The following CFAP54 variants were observed in gnomAD, a reference collection of about 807,000 sequenced individuals.
CFAP54 encodes the protein cilia and flagella associated protein 54.
A neutral mutation model predicts 370.4 loss-of-function variants in CFAP54; 290 were observed. The ratio of observed to expected loss-of-function variants is 0.78; its 90% CI spans 0.71 to 0.86. The LOEUF is 0.86. Among genes scored for constraint, CFAP54 ranks in the 40% least tolerant of loss-of-function variants. The pLI, the probability that CFAP54 is intolerant of heterozygous loss-of-function variation, is 0.00. For synonymous variants in CFAP54, 1,206 were observed against 1,236.5 expected (o/e 0.98, Z 0.52); for missense variants, 3,399 against 3,528.7 (o/e 0.96, Z 0.93).
chr12:96,552,444 A>C (rs1191764886), intron 15 of CFAP54, among the ~76,000 whole-genome samples: 1 of 151,920 alleles, frequency 6.6e-6, no homozygotes, highest in Non-Finnish European at 1.5e-5. Context: ...CCCGGGTTCA[A>C]GTGATTCTCA....
chr12:96,510,817 G>T (rs932851402), intron 4 of CFAP54, among the ~76,000 whole-genome samples: 1 of 152,046 alleles, frequency 6.6e-6, no homozygotes, highest in Non-Finnish European at 1.5e-5. Flanking sequence ...ACAAAAATTA[G>T]CTGAGCGTGG....
chr12:96,586,225 G>T (rs978320408), intron 22 of CFAP54, among the ~76,000 whole-genome samples: 7 of 152,154 alleles, frequency 4.6e-5, no homozygotes, highest in Non-Finnish European at 1.0e-4. Flanking sequence ...CTGAGTTTGG[G>T]TCTGGGAATT....
chr12:96,700,190 C>G (rs1425179656), intron 46 of CFAP54, 97 bp downstream of exon 46: 5 of 1,341,456 alleles, frequency 3.7e-6, no homozygotes, highest in South Asian at 1.3e-5. Flanking sequence ...TTTACAATCT[C>G]TGGTATTTTA....
At chr12:96,518,746 T>C (rs1239152804) in intron 5 of CFAP54, among the ~76,000 whole-genome samples, 182 bp from the exon 6 acceptor site, 2 of 150,588 alleles carry the variant, frequency 1.3e-5, no homozygotes, top group East Asian at 3.8e-4. Context: ...CTTGAGATTT[T>C]GAGCTTTTAA....
At chr12:96,593,506 A>G (rs1779070332) in intron 24 of CFAP54, among the ~76,000 whole-genome samples, 1 of 152,150 alleles carries the variant, frequency 6.6e-6, no homozygotes. Context: ...ACTCACAACC[A>G]TCTCAACCTG....
chr12:96,564,994 A>G (rs530856171), intron 19 of CFAP54: 2 of 269,572 alleles, frequency 7.4e-6, no homozygotes, highest in East Asian at 1.3e-4. Context: ...CTACATGAGA[A>G]GACAAATAAA....
At chr12:96,647,398 A>G (rs1383578090) in intron 33 of CFAP54, among the ~76,000 whole-genome samples, 1 of 139,568 alleles carries the variant, frequency 7.2e-6, no homozygotes, top group Non-Finnish European at 1.5e-5. Flanking sequence ...GCGTGAACCC[A>G]GGAGGCAGAG....
At chr12:96,546,838 A>AT (rs1233000188) in intron 14 of CFAP54, among the ~76,000 whole-genome samples, 1 of 150,244 alleles carries the variant, frequency 6.7e-6, no homozygotes, top group Non-Finnish European at 1.5e-5. Context: ...CAAAAAAAAA[A>AT]ACAACTCTAT....
rs570176392 is a variant in CFAP54 at position 96,873,605 on chromosome 12, G to T, written c.*15-1513G>T. 3.3e-5 allele frequency among the ~76,000 whole-genome samples: 5 copies of T among 152,238 alleles called. No homozygotes were observed. The South Asian group carries it at 1.0e-3, about 32-fold the overall frequency. ...AGACACATTCTCACACAATACATGG[G>T]TCTTCAAACTTTTTCTATAAAGGGC... On this transcript the variant is annotated intron_variant, in intron 67 of 67. Coordinates refer to ENST00000524981, the MANE Select transcript of CFAP54 (RefSeq NM_001306084.2).
intron 26 of CFAP54, among the ~76,000 whole-genome samples, chr12:96,604,795 G>A (rs1956283700): frequency 6.6e-6 from 1 of 152,256 alleles, no homozygotes; most frequent in African/African-American, 2.4e-5. Context: ...GGCATGGGAG[G>A]GAATCTCCTG....
chr12:96,489,591 C>G lies in CFAP54; in HGVS notation c.-19C>G. On this transcript the variant is annotated 5_prime_UTR_variant, in exon 1 of 68. Transcript: ENST00000524981. ...CAACCGCGTGTACACATACTCCAGG[C>G]GGGCCGGGGCGCGTCAATATGGCGG... 1 of 1,499,954 alleles carries G rather than the reference C, an allele frequency of 6.7e-7. No homozygotes were observed. The highest frequency in any genetic ancestry group is 8.9e-7 in the Non-Finnish European group (1 of 1,124,922). 92.9% of individuals were successfully genotyped at this position (1,499,954 alleles called of 1,614,324 possible).
intron 58 of CFAP54, among the ~76,000 whole-genome samples, chr12:96,762,772 T>C (rs34478): frequency 0.28 from 20,957 of 75,336 alleles, 1,859 homozygotes; most frequent in Middle Eastern, 0.51. Flanking sequence ...ATGATTAGGG[T>C]TTTTTTTTTC....
chr12:96,664,307 A>G (rs745399086), intron 39 of CFAP54, among the ~76,000 whole-genome samples: 2 of 151,880 alleles, frequency 1.3e-5, no homozygotes, highest in African/African-American at 2.4e-5. Flanking sequence ...GATAGGCCAG[A>G]GTGTGTGTTA....
intron 40 of CFAP54, among the ~76,000 whole-genome samples, chr12:96,683,558 C>A (rs1052856073): frequency 1.3e-5 from 2 of 152,192 alleles, no homozygotes; most frequent in African/African-American, 4.8e-5. Flanking sequence ...TCTTTTCCTT[C>A]ACTGTAGGGG....
chr12:96,604,921 C>T (rs1056786978), intron 26 of CFAP54, among the ~76,000 whole-genome samples: 5 of 152,210 alleles, frequency 3.3e-5, no homozygotes, highest in African/African-American at 9.6e-5. Context: ...TCCCCCAAAC[C>T]CTTGTGCTTT....
At chr12:96,559,901 AT>A (rs1955797855) in intron 17 of CFAP54, among the ~76,000 whole-genome samples, 2 of 152,024 alleles carry the variant, frequency 1.3e-5, no homozygotes, top group South Asian at 4.2e-4. Flanking sequence ...ATGTAATGTG[AT>A]TTTGGTGTCC....
chr12:96,589,459 T>C lies in CFAP54; in HGVS notation c.3108T>C (p.Ala1036=), dbSNP rs745774255. The change falls in exon 23 of 68, where the codon GCT becomes GCC. Residue 1036 remains alanine (A), a synonymous_variant. Transcript: ENST00000524981. ...ATCAAGTTGGTAACTATGAATTGGC[T>C]AAGAAAGTTTTCTCACCAGTTTGGG... The part of the protein sequence containing the change: ...VAYQVGNYEL[A]KKVFSPVWDY... 2.0e-6 allele frequency: 3 copies of C among 1,532,866 alleles called. No homozygotes were observed. The African/African-American group carries it at 4.1e-5, about 21-fold the overall frequency. 95.0% of individuals were successfully genotyped at this position (1,532,866 alleles called of 1,614,324 possible).
intron 60 of CFAP54, among the ~76,000 whole-genome samples, chr12:96,770,505 A>G (rs1958450458): frequency 6.6e-6 from 1 of 152,236 alleles, no homozygotes; most frequent in Non-Finnish European, 1.5e-5. Context: ...GAGAGAAAAC[A>G]TTCTTAGAAG....
intron 26 of CFAP54, among the ~76,000 whole-genome samples, chr12:96,599,963 C>T (rs529769292): frequency 2.6e-5 from 4 of 152,278 alleles, no homozygotes; most frequent in East Asian, 3.9e-4. Flanking sequence ...GTTGCCTGTT[C>T]GCTCTGATGA....
Sources: allele counts gnomAD v4.1 joint callset (sites outside exome capture counted in the v4.1 genomes callset), GRCh38; gene constraint gnomAD v4.1.1; transcripts MANE v1.5; gene names NCBI Gene and HGNC (gene_info 2026-07-23, HGNC 2026-07-21).